Variants in ZFHX2 observed in about 807,000 individuals in gnomAD.
The protein encoded by ZFHX2 is zinc finger homeobox 2, also known as zinc finger homeobox protein 2.
In ZFHX2, 75 loss-of-function variants were observed where a neutral mutation model predicts 164.8. That is an observed-to-expected ratio of 0.46 (90% CI 0.38 to 0.55). The LOEUF (loss-of-function observed/expected upper bound fraction) is 0.55. Among genes scored for constraint, ZFHX2 ranks in the 20% least tolerant of loss-of-function variants. The pLI is 0.00. For missense variants in ZFHX2, 2,933 were observed against 3,308.0 expected (o/e 0.89, Z 2.78); for synonymous variants, 1,217 against 1,351.4 (o/e 0.90, Z 2.18).
At chr14:23,531,122 G>A (rs1879492429) in intron 4 of ZFHX2, 1 of 180,944 alleles carries the variant, frequency 5.5e-6, no homozygotes, top group Non-Finnish European at 1.1e-5. Flanking sequence ...AGAAGCCCTG[G>A]CCCAGCACAA....
intron 6 of ZFHX2, chr14:23,528,704 T>C (rs1309349628): frequency 1.0e-6 from 1 of 985,184 alleles, no homozygotes; most frequent in Non-Finnish European, 1.2e-6. Flanking sequence ...TCTTTTTCCT[T>C]CTTCTTTTTC....
rs1027046884 is a variant in ZFHX2, at chr14:23,524,882, C to T, written c.5060G>A (p.Arg1687His). 4.2e-5 allele frequency: 64 copies of T among 1,536,322 alleles called. No individual in the cohort carries two copies. The highest frequency in any genetic ancestry group is 2.3e-4 in the African/African-American group (17 of 73,032). The change falls in exon 9 of 10, where the codon CGC becomes CAC. Residue 1687 changes from arginine (R) to histidine (H), a missense_variant. Transcript: ENST00000419474. The surrounding 1 kb of genome is among the most constrained non-coding windows in gnomAD (Gnocchi z 5.6). ...GTCATCATAGCACTTCTTGAGGTGG[C>T]GCACCAACTCAAAAACACAGGAGAA... ...ATFSCVFELV[R>H]HLKKCYDDQT...
rs1280338593 is a variant in ZFHX2 at position 23,534,296 on chromosome 14, T to A, written c.1030A>T (p.Ser344Cys). The A allele has an allele frequency of 3.3e-6, 5 of 1,534,292 alleles. No individual in the cohort carries two copies. The East Asian group carries it at 1.2e-4, about 38-fold the overall frequency. ...GTGGCTGTGGGTGGAGAGGGTGGGC[T>A]GAGGGCCATAACTTCTTCATCCAGG... ...ILLDEEVMAL[S>C]PPSPPTATWD... The change falls in exon 2 of 10, where the codon AGC becomes TGC. Residue 344 changes from serine (S) to cysteine (C), a missense_variant. By Grantham distance (112) the Ser-to-Cys change is moderately radical. Coordinates refer to ENST00000419474, the MANE Select transcript of ZFHX2 (RefSeq NM_033400.3). This position sits in a 1 kb window ranked among gnomAD's most constrained non-coding sequence, Gnocchi z 4.5.
At chr14:23,541,670 G>A (rs910535524) in intron 1 of ZFHX2, among the ~76,000 whole-genome samples, 12 of 152,140 alleles carry the variant, frequency 7.9e-5, no homozygotes, top group Admixed American at 4.6e-4. Context: ...CATTATTCCA[G>A]AGCAAAGAGT....
chr14:23,549,214 G>C (rs1336368726), intron 1 of ZFHX2, among the ~76,000 whole-genome samples: 1 of 151,830 alleles, frequency 6.6e-6, no homozygotes, highest in South Asian at 2.1e-4. Flanking sequence ...ATCACCCCTT[G>C]GTTCCTCCCC....
Position 23,529,664 on chromosome 14 carries a change from A to T in ZFHX2, c.2934+46T>A, listed in dbSNP as rs763523307. On this transcript the variant is annotated intron_variant, in intron 6 of 9. Transcript: ENST00000419474. ...TTTAGAATATGAGCAGATCTCAGTA[A>T]AGCCAGGCCCCCACTTCAGCTCTTC... is the stretch of plus-strand genomic sequence containing the variant. 51 of 1,508,974 alleles carry T rather than the reference A, an allele frequency of 3.4e-5. No individual in the cohort carries two copies. The South Asian group carries it at 6.1e-4, about 18-fold the overall frequency. 93.5% of individuals were successfully genotyped at this position (1,508,974 alleles called of 1,614,324 possible). A position where few individuals can be genotyped will look rare whatever the true frequency, so the allele number is the denominator to read the frequency against.
In ZFHX2 at chr14:23,521,999, G is replaced by A; in HGVS notation, c.7682C>T (p.Pro2561Leu). The part of the protein sequence containing the change: ...EARLPHTDSN[P>L]KTTTTSTLLA... ...AAGTGTAGAGGTAGTCGTAGTTTTT[G>A]GGTTGGAGTCCGTGTGAGGTAATCT... The change falls in exon 10 of 10, where the codon CCA becomes CTA. Residue 2561 changes from proline (P) to leucine (L), a missense_variant. Transcript: ENST00000419474. The A allele has an allele frequency of 6.5e-7, 1 of 1,536,368 alleles. No individual in the cohort carries two copies. Among genetic ancestry groups the A allele is most frequent in the South Asian group, 1.2e-5 (1 of 84,044 alleles).
chr14:23,537,825 G>A (rs1253344827), intron 1 of ZFHX2, among the ~76,000 whole-genome samples: 3 of 152,132 alleles, frequency 2.0e-5, no homozygotes, highest in African/African-American at 4.8e-5. Flanking sequence ...TTATTCCATC[G>A]TCACCCACAG....
rs754823876 is a variant in ZFHX2, at chr14:23,549,238, G to A, written c.-50+2105C>T. Among the ~76,000 whole-genome samples, 4 of 151,922 alleles carry A rather than the reference G, an allele frequency of 2.6e-5. 1 individual carries two copies. Among genetic ancestry groups the A allele is most frequent in the South Asian group, 4.2e-4 (2 of 4,800 alleles). On this transcript the variant is annotated intron_variant, in intron 1 of 9. Coordinates refer to ENST00000419474, the MANE Select transcript of ZFHX2 (RefSeq NM_033400.3). ...TGGTTCCTCCCCTGCCCCCGAGTCCGCATAGATTTTCCTCCCTTCCTTTGC... is the reference window on the plus strand; with the variant it reads ...TGGTTCCTCCCCTGCCCCCGAGTCCACATAGATTTTCCTCCCTTCCTTTGC...
chr14:23,525,514 A>G lies in ZFHX2; in HGVS notation c.4428T>C (p.Gly1476=). 13 of 1,535,112 alleles carry G rather than the reference A, an allele frequency of 8.5e-6. No homozygotes were observed. Among genetic ancestry groups the G allele is most frequent in the Non-Finnish European group, 1.1e-5 (13 of 1,146,846 alleles). The part of the protein sequence containing the change: ...PTPPPPEALG[G]GDKLACGACG... ...AGGCCCCACAGGCCAGCTTGTCCCC[A>G]CCCCCGAGGGCCTCAGGTGGGGGTG... Residue 1476 remains glycine (G), a synonymous_variant, in exon 9 of 10, where the codon GGT becomes GGC. Coordinates refer to ENST00000419474, the MANE Select transcript of ZFHX2 (RefSeq NM_033400.3). This position sits in a 1 kb window ranked among gnomAD's most constrained non-coding sequence, Gnocchi z 5.9.
intron 6 of ZFHX2, 64 bp from the exon 7 acceptor site, chr14:23,527,868 T>A: frequency 7.3e-7 from 1 of 1,372,892 alleles, no homozygotes; most frequent in Non-Finnish European, 9.9e-7. Context: ...CATCACATAG[T>A]CCTTTGGATG....
intron 3 of ZFHX2, 82 bp downstream of exon 3, chr14:23,532,485 T>C (rs1359008786): frequency 7.2e-7 from 1 of 1,390,868 alleles, no homozygotes; most frequent in Non-Finnish European, 9.3e-7. Context: ...AGGGTTTTCC[T>C]ATCACTTTCT....
intron 5 of ZFHX2, 53 bp downstream of exon 5, chr14:23,530,067 C>T (rs1879329922): frequency 6.9e-7 from 1 of 1,456,080 alleles, no homozygotes; most frequent in Non-Finnish European, 9.3e-7. Flanking sequence ...CTGCAAGGTC[C>T]CGTGAGCGTC....
rs1881359721 is a variant in ZFHX2, at chr14:23,546,146, ACT to A, written c.-50+5195_-50+5196del. ...ACATCAACGTGCTCCACAGGACCAG[ACT>A]CTCCATGCATAAACTGCTCTGCAGA... On this transcript the variant is annotated intron_variant, in intron 1 of 9. Transcript: ENST00000419474. The surrounding 1 kb of genome is among the most constrained non-coding windows in gnomAD (Gnocchi z 4.7). 6.6e-6 allele frequency among the ~76,000 whole-genome samples: 1 copy of A among 151,970 alleles called. No homozygotes were observed. The highest frequency in any genetic ancestry group is 1.9e-4 in the East Asian group (1 of 5,188).
At position 23,525,370 on chromosome 14, in the gene ZFHX2, G is replaced by C. The variant is rs1224960475; in HGVS notation, c.4572C>G (p.Asp1524Glu). Reference sequence around the variant, plus strand: ...GCTCTGCAAGGGGCGGGTATAGGCTGTCATAGCTCTTTCGAAACTGAGCAG... The same window carrying C: ...GCTCTGCAAGGGGCGGGTATAGGCTCTCATAGCTCTTTCGAAACTGAGCAG... Reference protein sequence around the residue: ...RYAAQFRKSYDSLYPPLAEPP... With the variant: ...RYAAQFRKSYESLYPPLAEPP... Residue 1524 changes from aspartate (D) to glutamate (E), a missense_variant, in exon 9 of 10, where the codon GAC becomes GAG. Coordinates refer to ENST00000419474, the MANE Select transcript of ZFHX2 (RefSeq NM_033400.3). The surrounding 1 kb of genome is among the most constrained non-coding windows in gnomAD (Gnocchi z 5.9). 2 of 1,536,028 alleles carry C rather than the reference G, an allele frequency of 1.3e-6. No individual in the cohort carries two copies. Among genetic ancestry groups the C allele is most frequent in the African/African-American group, 2.7e-5 (2 of 73,044 alleles).
In ZFHX2 at chr14:23,540,771, C is replaced by T. The variant is rs74508935; in HGVS notation, c.-49-5397G>A. On this transcript the variant is annotated intron_variant, in intron 1 of 9. Coordinates refer to ENST00000419474, the MANE Select transcript of ZFHX2 (RefSeq NM_033400.3). The stretch of plus-strand genomic sequence containing the variant: ...TCAGTTGTGAAGACCAGATAGGTAA[C>T]GTGTAAAGTGCATTTGCTGGGTGTT... 3.3e-5 allele frequency among the ~76,000 whole-genome samples: 5 copies of T among 152,298 alleles called. No individual in the cohort carries two copies. In the East Asian group the frequency reaches 5.8e-4, roughly 18 times the overall value.
chr14:23,526,220 G>A lies in ZFHX2; in HGVS notation c.3722C>T (p.Thr1241Ile), dbSNP rs999900338. Residue 1241 changes from threonine (T) to isoleucine (I), a missense_variant, in exon 9 of 10, where the codon ACT becomes ATT. Coordinates refer to ENST00000419474, the MANE Select transcript of ZFHX2 (RefSeq NM_033400.3). ...CTTAAAGGGCTTGTCTGTGGCAGCA[G>A]TGGTGGTGGGTGGGGCACCGGCCTC... ...RGEAGAPPTTTAATDKPFKCT... is the reference protein window; with the variant it reads ...RGEAGAPPTTIAATDKPFKCT... The A allele has an allele frequency of 1.2e-5, 18 of 1,536,280 alleles. No homozygotes were observed. Among genetic ancestry groups the A allele is most frequent in the Non-Finnish European group, 1.4e-5 (16 of 1,146,916 alleles).
chr14:23,536,183 A>G (rs529094189), intron 1 of ZFHX2, among the ~76,000 whole-genome samples: 3 of 152,140 alleles, frequency 2.0e-5, no homozygotes, highest in Non-Finnish European at 4.4e-5. Flanking sequence ...TCCCACTTCC[A>G]CTACTGCCCG....
chr14:23,550,939 G>GA (rs1320780545), intron 1 of ZFHX2, among the ~76,000 whole-genome samples: 8 of 151,714 alleles, frequency 5.3e-5, no homozygotes, highest in Non-Finnish European at 7.4e-5. Context: ...TGACAGCTCT[G>GA]AGCCCTCACA....
Sources: allele counts gnomAD v4.1 joint callset (sites outside exome capture counted in the v4.1 genomes callset), GRCh38; gene constraint gnomAD v4.1.1; non-coding constraint Gnocchi (gnomAD v3.1); transcripts MANE v1.5; gene names NCBI Gene and HGNC (gene_info 2026-07-23, HGNC 2026-07-21).